TSPO: variants seen among roughly 807,000 people sequenced by gnomAD.
TSPO encodes benzodiazepine peripheral binding site.
Under a neutral mutation model 13.9 loss-of-function variants are expected in TSPO, and 14 were observed. The ratio of observed to expected loss-of-function variants is 1.01; its 90% CI spans 0.67 to 1.58. The LOEUF (loss-of-function observed/expected upper bound fraction) is 1.58, where lower values mean the gene tolerates loss of function less well. TSPO is among the 40% of genes most tolerant of loss of function. The probability of loss-of-function intolerance (pLI) is 0.00; values close to 1 mark genes in which losing one functional copy is unlikely to be tolerated. For missense variants in TSPO, 232 were observed against 229.6 expected, an observed-to-expected ratio of 1.01 and a Z score of -0.07; for synonymous variants, 114 against 105.9, an observed-to-expected ratio of 1.08 and a Z score of -0.47.
chr22:43,154,517 C>T (rs1931190884), intron 1 of TSPO, among the ~76,000 whole-genome samples: 1 of 148,980 alleles, frequency 6.7e-6, no homozygotes, highest in Admixed American at 6.8e-5. Context: ...CGCCACCACA[C>T]CAGGCTAGTT....
At chr22:43,157,855 T>C (rs979927035) in intron 1 of TSPO, among the ~76,000 whole-genome samples, 3 of 152,194 alleles carry the variant, frequency 2.0e-5, no homozygotes, top group Non-Finnish European at 2.9e-5. Context: ...CGCATATCTA[T>C]GTTATCCATT....
At chr22:43,162,643 G>A (rs1281192582) in intron 3 of TSPO, among the ~76,000 whole-genome samples, 160 bp from the exon 4 acceptor site, 1 of 152,216 alleles carries the variant, frequency 6.6e-6, no homozygotes, top group Non-Finnish European at 1.5e-5. Flanking sequence ...GGAAACTGAG[G>A]CTGCGATGGG....
chr22:43,160,167 C>G (rs927367476), intron 2 of TSPO, among the ~76,000 whole-genome samples: 1 of 152,138 alleles, frequency 6.6e-6, no homozygotes, highest in African/African-American at 2.4e-5. Flanking sequence ...TGGGCCTCAC[C>G]CCTCCTGGCC....
At chr22:43,160,977 A>G (rs1931415805) in intron 2 of TSPO, 75 bp from the exon 3 acceptor site, 1 of 1,534,486 alleles carries the variant, frequency 6.5e-7, no homozygotes, top group Non-Finnish European at 8.8e-7. Context: ...ATGAACCATC[A>G]CTGTGCCACT....
At chr22:43,154,686 A>T (rs1452909078) in intron 1 of TSPO, among the ~76,000 whole-genome samples, 3 of 152,094 alleles carry the variant, frequency 2.0e-5, no homozygotes, top group Admixed American at 1.3e-4. Flanking sequence ...GAGGTCTCCA[A>T]GAACAGAAAG....
chr22:43,159,937 G>A (rs765921282), intron 2 of TSPO, among the ~76,000 whole-genome samples: 2 of 152,166 alleles, frequency 1.3e-5, no homozygotes, highest in Non-Finnish European at 2.9e-5. Context: ...CGGAAAGGAC[G>A]TGCTGGGAGG....
chr22:43,161,468 T>C (rs958827936), intron 3 of TSPO, among the ~76,000 whole-genome samples: 5 of 150,648 alleles, frequency 3.3e-5, no homozygotes, highest in Non-Finnish European at 5.9e-5. Flanking sequence ...GCAGGGTCAC[T>C]GGCCCCTCTA....
At position 43,159,425 on chromosome 22, in the gene TSPO, G is replaced by T. The variant is rs1416149938; in HGVS notation, c.182+5G>T. 6.6e-7 allele frequency: 1 copy of T among 1,509,336 alleles called. No homozygotes were observed. The highest frequency in any genetic ancestry group is 2.5e-5 in the East Asian group (1 of 39,616). 93.5% of individuals were successfully genotyped at this position (1,509,336 alleles called of 1,614,324 possible). On this transcript the variant is annotated splice_donor_5th_base_variant and intron_variant, in intron 2 of 3. Transcript: ENST00000337554. ...CACGCTCTACTCAGCCATGGGGTAG[G>T]TGGGCGTGCACTGGCCTGGGGATAA...
chr22:43,154,433 A>C (rs1931188488), intron 1 of TSPO, among the ~76,000 whole-genome samples: 1 of 151,926 alleles, frequency 6.6e-6, no homozygotes, highest in Non-Finnish European at 1.5e-5. Flanking sequence ...ATCTTGGCTC[A>C]CTGCAACCTC....
chr22:43,159,416 A>T lies in TSPO; in HGVS notation c.178A>T (p.Met60Leu). Residue 60 changes from methionine to leucine, a missense_variant, in exon 2 of 4, where the codon ATG becomes TTG. Coordinates refer to ENST00000337554, the MANE Select transcript of TSPO (RefSeq NM_000714.6). The stretch of plus-strand genomic sequence containing the variant: ...TGTCTGGGGCACGCTCTACTCAGCC[A>T]TGGGGTAGGTGGGCGTGCACTGGCC... ...GPVWGTLYSA[M>L]GYGSYLVWKE... is the part of the protein sequence containing the mutation. 1 of 1,522,458 alleles carries T rather than the reference A, an allele frequency of 6.6e-7. No individual in the cohort carries two copies. The highest frequency in any genetic ancestry group is 8.8e-7 in the Non-Finnish European group (1 of 1,135,378). The allele number at this position is 1,522,458 out of a possible 1,614,324, so 94.3% of individuals were successfully genotyped here. A position where few individuals can be genotyped will look rare whatever the true frequency, so the allele number is the denominator to read the frequency against.
Position 43,153,099 on chromosome 22 carries a change from T to TC in TSPO, c.-30+1496dup, listed in dbSNP as rs1170926340. On this transcript the variant is annotated intron_variant, in intron 1 of 3. Transcript: ENST00000337554. ...TTCTTTCTTTCTTTCCTTCCTTCCT[T>TC]CTTTCCTTTCTCTTTCTCTTTTTTT... Among the ~76,000 whole-genome samples the TC allele has an allele frequency of 5.9e-4, 35 of 59,016 alleles. 5 individuals are homozygous for TC. Among genetic ancestry groups the TC allele is most frequent in the Middle Eastern group, 0.014 (2 of 144 alleles). The allele number at this position is 59,016 out of a possible 152,430, so 38.7% of individuals were successfully genotyped here. A position where few individuals can be genotyped will look rare whatever the true frequency, so the allele number is the denominator to read the frequency against.
chr22:43,153,826 C>T (rs1234607298), intron 1 of TSPO, among the ~76,000 whole-genome samples: 3 of 151,922 alleles, frequency 2.0e-5, no homozygotes, highest in Non-Finnish European at 4.4e-5. Flanking sequence ...CTCCATTGCC[C>T]AGGCTGGAGT....
intron 1 of TSPO, among the ~76,000 whole-genome samples, chr22:43,152,642 G>C (rs1000496175): frequency 1.3e-5 from 2 of 152,264 alleles, no homozygotes; most frequent in African/African-American, 4.8e-5. Context: ...GCAGGGGAAG[G>C]CGGCCCCTGA....
chr22:43,155,941 G>T (rs984902580), intron 1 of TSPO, among the ~76,000 whole-genome samples: 2 of 152,234 alleles, frequency 1.3e-5, no homozygotes, highest in African/African-American at 2.4e-5. Flanking sequence ...TCATCATGGT[G>T]GGTACCGCCC....
intron 1 of TSPO, among the ~76,000 whole-genome samples, chr22:43,156,549 G>A (rs888558210): frequency 6.6e-6 from 1 of 152,086 alleles, no homozygotes; most frequent in East Asian, 1.9e-4. Flanking sequence ...TGGGAGGGAG[G>A]GGGAGGGGAA....
chr22:43,160,980 G>A, intron 2 of TSPO, 72 bp from the exon 3 acceptor site: 7 of 1,539,496 alleles, frequency 4.5e-6, no homozygotes, highest in Non-Finnish European at 6.2e-6. Context: ...AACCATCACT[G>A]TGCCACTCGG....
intron 1 of TSPO, 130 bp downstream of exon 1, chr22:43,151,734 C>T (rs1931076687): frequency 6.6e-6 from 1 of 152,052 alleles, no homozygotes; most frequent in Admixed American, 6.5e-5. Flanking sequence ...GGGGGCGACC[C>T]GGGGCAGCAC....
chr22:43,162,183 G>A (rs1051974179), intron 3 of TSPO, among the ~76,000 whole-genome samples: 40 of 150,844 alleles, frequency 2.7e-4, no homozygotes, highest in African/African-American at 9.0e-4. Context: ...GTGCAGTGGC[G>A]TGATCTCAGC....
At chr22:43,154,655 GC>G (rs1931195643) in intron 1 of TSPO, among the ~76,000 whole-genome samples, 1 of 152,070 alleles carries the variant, frequency 6.6e-6, no homozygotes, top group Non-Finnish European at 1.5e-5. Context: ...ACCGTTCCTG[GC>G]CTTCTGGGTC....
Sources: allele counts gnomAD v4.1 joint callset (sites outside exome capture counted in the v4.1 genomes callset), GRCh38; gene constraint gnomAD v4.1.1; transcripts MANE v1.5; gene names NCBI Gene and HGNC (gene_info 2026-07-23, HGNC 2026-07-21).